The following NBAS variants were observed in gnomAD, a reference collection of about 807,000 sequenced individuals.
NBAS encodes NBAS subunit of NRZ tethering complex, also known as NAG/BC035112 fusion.
In NBAS, 219 loss-of-function variants were observed where a neutral mutation model predicts 302.5. That is an observed-to-expected ratio of 0.72 (90% CI 0.65 to 0.81). The LOEUF (loss-of-function observed/expected upper bound fraction) is 0.81, where lower values mean the gene tolerates loss of function less well. Ranked by LOEUF, NBAS falls within the 30% of genes least tolerant of loss-of-function variation. The pLI is 0.00. For missense variants in NBAS, 2,932 were observed against 2,841.6 expected (o/e 1.03, Z -0.72); for synonymous variants, 1,118 against 1,021.6 (o/e 1.09, Z -1.80).
rs1251007817 is a variant in NBAS, at chr2:15,473,256, G to A, written c.1691C>T (p.Ser564Leu). ...DLVYQRQWRK[S>L]AVNVASIQNY... is the part of the protein sequence containing the mutation. ...CTGAATTGAAGCAACGTTGACCGCT[G>A]ACTTCCTCCACTGCCTCTGATATAC... The change falls in exon 16 of 52, where the codon TCA becomes TTA. Residue 564 changes from serine to leucine, a missense_variant. By Grantham distance (145) the Ser-to-Leu change is moderately radical (BLOSUM62 -2). Transcript: ENST00000281513. 1 of 1,613,956 alleles carries A rather than the reference G, an allele frequency of 6.2e-7. No individual in the cohort carries two copies. The highest frequency in any genetic ancestry group is 1.3e-5 in the African/African-American group (1 of 74,922).
At chr2:14,909,682 C>T in the NBAS span, among the ~76,000 whole-genome samples, 11 of 152,178 alleles carry the variant, frequency 7.2e-5, no homozygotes, top group Admixed American at 2.0e-4. Context: ...CAGGGCAGTG[C>T]ATGGTGATAA....
At chr2:15,133,328 G>C in the NBAS span, among the ~76,000 whole-genome samples, 6 of 151,976 alleles carry the variant, frequency 3.9e-5, no homozygotes, top group Admixed American at 6.5e-5. Flanking sequence ...AGCGGGGGGG[G>C]GGCAGGGAAG....
intron 30 of NBAS, among the ~76,000 whole-genome samples, chr2:15,375,656 A>G (rs1674700517): frequency 6.6e-6 from 1 of 152,158 alleles, no homozygotes; most frequent in Non-Finnish European, 1.5e-5. Context: ...TACATTTTTT[A>G]CTCTAGACCC....
intron 21 of NBAS, among the ~76,000 whole-genome samples, chr2:15,455,990 A>G (rs1679233698): frequency 6.6e-6 from 1 of 152,168 alleles, no homozygotes; most frequent in African/African-American, 2.4e-5. Context: ...AAGTTGTGGA[A>G]GCTAACAAAG....
At chr2:15,034,911 G>C in the NBAS span, among the ~76,000 whole-genome samples, 1 of 152,046 alleles carries the variant, frequency 6.6e-6, no homozygotes, top group Non-Finnish European at 1.5e-5. Context: ...CACTTCGTTG[G>C]GGGGTAGAAG....
chr2:15,133,924 C>T, the NBAS span, among the ~76,000 whole-genome samples: 234 of 152,178 alleles, frequency 1.5e-3, no homozygotes, highest in Middle Eastern at 3.4e-3. Flanking sequence ...TTAGACTTTT[C>T]AGACAAGATC....
chr2:15,277,839 G>C (rs1203744753), intron 42 of NBAS, among the ~76,000 whole-genome samples: 2 of 152,136 alleles, frequency 1.3e-5, no homozygotes, highest in Non-Finnish European at 2.9e-5. Context: ...AAAGGAGGGG[G>C]TTAATTTTGG....
intron 38 of NBAS, among the ~76,000 whole-genome samples, chr2:15,317,898 C>T (rs1671592387): frequency 6.6e-6 from 1 of 152,082 alleles, no homozygotes; most frequent in Admixed American, 6.5e-5. Flanking sequence ...ATACAGAAAA[C>T]ACCACAAAGA....
At chr2:15,012,875 T>G in the NBAS span, among the ~76,000 whole-genome samples, 3 of 152,014 alleles carry the variant, frequency 2.0e-5, no homozygotes, top group African/African-American at 4.8e-5. Flanking sequence ...TTTTTTTTTT[T>G]GAGCCAGAGC....
intron 11 of NBAS, among the ~76,000 whole-genome samples, chr2:15,495,299 T>C (rs1166310673): frequency 6.6e-6 from 1 of 152,176 alleles, no homozygotes; most frequent in East Asian, 1.9e-4. Context: ...CTACCACCTA[T>C]ACAGTTTTCT....
At chr2:15,473,010 G>C (rs923324326) in intron 16 of NBAS, among the ~76,000 whole-genome samples, 4 of 152,276 alleles carry the variant, frequency 2.6e-5, no homozygotes, top group African/African-American at 9.6e-5. Flanking sequence ...GTTTATCTGT[G>C]AATATTTGTT....
At chr2:15,144,057 A>ATATATTATCC in the NBAS span, among the ~76,000 whole-genome samples, 4 of 140,250 alleles carry the variant, frequency 2.9e-5, no homozygotes, top group Admixed American at 7.2e-5. Context: ...AAATATATAT[A>ATATATTATCC]TATATATATA....
chr2:15,455,726 G>T (rs1399663999), intron 21 of NBAS, among the ~76,000 whole-genome samples: 1 of 150,898 alleles, frequency 6.6e-6, no homozygotes, highest in Admixed American at 6.6e-5. Flanking sequence ...CTGCAGTGCA[G>T]TTAAGAAACC....
At chr2:14,896,843 T>C in the NBAS span, among the ~76,000 whole-genome samples, 1 of 152,224 alleles carries the variant, frequency 6.6e-6, no homozygotes. Flanking sequence ...CTGTTGATAA[T>C]GTATAAGCAT....
the NBAS span, among the ~76,000 whole-genome samples, chr2:14,999,521 A>G: frequency 6.6e-6 from 1 of 151,932 alleles, no homozygotes; most frequent in Non-Finnish European, 1.5e-5. Flanking sequence ...AGTTCTCAGG[A>G]GATCTGGTTG....
chr2:15,064,152 T>C, the NBAS span, among the ~76,000 whole-genome samples: 1 of 152,012 alleles, frequency 6.6e-6, no homozygotes, highest in East Asian at 1.9e-4. Flanking sequence ...AGCTCAAAGT[T>C]AGCAGAAGGA....
At chr2:15,518,452 A>C (rs1353927945) in intron 9 of NBAS, among the ~76,000 whole-genome samples, 1 of 152,166 alleles carries the variant, frequency 6.6e-6, no homozygotes, top group African/African-American at 2.4e-5. Context: ...AATATACAGA[A>C]TATTTGACTT....
chr2:15,267,658 T>C (rs926137541), intron 44 of NBAS, among the ~76,000 whole-genome samples: 1 of 152,172 alleles, frequency 6.6e-6, no homozygotes, highest in Non-Finnish European at 1.5e-5. Flanking sequence ...AAGATCTTCA[T>C]TCAAAGATGT....
chr2:14,810,940 A>G, the NBAS span, among the ~76,000 whole-genome samples: 1 of 152,184 alleles, frequency 6.6e-6, no homozygotes, highest in Non-Finnish European at 1.5e-5. Context: ...CAGAGCAGAA[A>G]GATTAAGCTA....
Sources: allele counts gnomAD v4.1 joint callset (sites outside exome capture counted in the v4.1 genomes callset), GRCh38; gene constraint gnomAD v4.1.1; transcripts MANE v1.5; gene names NCBI Gene and HGNC (gene_info 2026-07-23, HGNC 2026-07-21).